The following PAPPA2 variants were observed in gnomAD, a reference collection of about 807,000 sequenced individuals.
The protein encoded by PAPPA2 is pappalysin-2.
A neutral mutation model predicts 176.4 loss-of-function variants in PAPPA2; 86 were observed. That is an observed-to-expected ratio of 0.49 (90% CI 0.41 to 0.58). The LOEUF is 0.58. Among genes scored for constraint, PAPPA2 ranks in the 20% least tolerant of loss-of-function variants. PAPPA2 has a pLI of 0.00. For missense variants in PAPPA2, 2,073 were observed against 2,256.9 expected (o/e 0.92, Z 1.65); for synonymous variants, 809 against 852.2 (o/e 0.95, Z 0.88).
intron 12 of PAPPA2, among the ~76,000 whole-genome samples, chr1:176,721,643 A>G (rs180772875): frequency 6.6e-6 from 1 of 152,214 alleles, no homozygotes; most frequent in East Asian, 1.9e-4. Context: ...TACATCTGAT[A>G]TATATTTCTT....
rs753219586 is a variant in PAPPA2, at chr1:176,771,004, C to T, written c.4539C>T (p.Leu1513=). 3.1e-6 allele frequency: 5 copies of T among 1,614,190 alleles called. No homozygotes were observed. The South Asian group carries it at 5.5e-5, about 18-fold the overall frequency. The change falls in exon 17 of 23, where the codon CTC becomes CTT. Residue 1513 remains leucine (L), a synonymous_variant. Coordinates refer to ENST00000367662, the MANE Select transcript of PAPPA2 (RefSeq NM_020318.3). The stretch of plus-strand genomic sequence containing the variant: ...GGCTGACATGTCTTGAAGATGGTCT[C>T]TGGTCTCTCCCTGAAGTCTACTGCA... ...SPWLTCLEDG[L]WSLPEVYCKL...
chr1:176,786,084 G>C (rs1159968166), intron 17 of PAPPA2, among the ~76,000 whole-genome samples: 1 of 152,160 alleles, frequency 6.6e-6, no homozygotes, highest in Non-Finnish European at 1.5e-5. Flanking sequence ...GGAGGTGGTA[G>C]AAAGAAGAGA....
intron 21 of PAPPA2, among the ~76,000 whole-genome samples, chr1:176,816,438 C>T (rs1222093665): frequency 6.6e-6 from 1 of 150,646 alleles, no homozygotes; most frequent in East Asian, 2.0e-4. Flanking sequence ...TTTAGAGGTA[C>T]CAGATGCCTC....
chr1:176,502,459 T>C (rs1029977545), intron 1 of PAPPA2, among the ~76,000 whole-genome samples: 2 of 152,210 alleles, frequency 1.3e-5, no homozygotes, highest in Non-Finnish European at 2.9e-5. Context: ...AATCAGCTTT[T>C]CTTAGAAAAA....
chr1:176,618,128 C>T (rs567381142), intron 3 of PAPPA2, among the ~76,000 whole-genome samples: 1 of 152,332 alleles, frequency 6.6e-6, no homozygotes, highest in Admixed American at 6.5e-5. Context: ...CAGGATGTTT[C>T]TGACCCCAGT....
intron 4 of PAPPA2, among the ~76,000 whole-genome samples, chr1:176,676,507 G>A (rs1363407655): frequency 6.6e-6 from 1 of 151,800 alleles, no homozygotes; most frequent in Non-Finnish European, 1.5e-5. Flanking sequence ...TTTCACATTT[G>A]CAGTATTCTC....
intron 21 of PAPPA2, among the ~76,000 whole-genome samples, chr1:176,826,521 G>A (rs1326794126): frequency 6.6e-6 from 1 of 152,176 alleles, no homozygotes; most frequent in East Asian, 1.9e-4. Context: ...CAACCAGTTG[G>A]GGGAGAAAGG....
chr1:176,475,569 T>C (rs1489969499), intron 1 of PAPPA2, among the ~76,000 whole-genome samples: 1 of 152,218 alleles, frequency 6.6e-6, no homozygotes, highest in African/African-American at 2.4e-5. Context: ...TTTGTCCTTA[T>C]GGAGTCCTCC....
intron 3 of PAPPA2, among the ~76,000 whole-genome samples, chr1:176,624,366 C>T (rs186862779): frequency 7.2e-5 from 11 of 152,242 alleles, no homozygotes; most frequent in Middle Eastern, 6.8e-3. Context: ...AAAACTAAGC[C>T]TTATAAATCA....
At chr1:176,754,044 A>C (rs1186064572) in intron 14 of PAPPA2, among the ~76,000 whole-genome samples, 5 of 145,232 alleles carry the variant, frequency 3.4e-5, no homozygotes, top group Middle Eastern at 3.6e-3. Flanking sequence ...CTTTCAACTC[A>C]TGAGGTTATA....
intron 14 of PAPPA2, among the ~76,000 whole-genome samples, chr1:176,755,338 T>C (rs1663364779): frequency 1.3e-5 from 2 of 152,124 alleles, no homozygotes. Context: ...CCTTAAGACT[T>C]CCATTTAGCC....
chr1:176,492,331 A>G (rs1218144745), intron 1 of PAPPA2, among the ~76,000 whole-genome samples: 1 of 152,192 alleles, frequency 6.6e-6, no homozygotes. Flanking sequence ...TAAGAGTGAG[A>G]AAAATATTTT....
intron 1 of PAPPA2, among the ~76,000 whole-genome samples, chr1:176,488,618 G>C (rs1371403860): frequency 6.6e-6 from 1 of 152,128 alleles, no homozygotes; most frequent in Non-Finnish European, 1.5e-5. Flanking sequence ...GAAACATCCA[G>C]CACAATGGAA....
intron 1 of PAPPA2, among the ~76,000 whole-genome samples, chr1:176,466,866 C>T (rs1045271331): frequency 6.6e-6 from 1 of 152,320 alleles, no homozygotes; most frequent in Middle Eastern, 3.4e-3. Flanking sequence ...GGCAACTTCC[C>T]TCTGGACTCC....
At chr1:176,582,137 CA>C (rs1170607593) in intron 2 of PAPPA2, among the ~76,000 whole-genome samples, 1 of 151,924 alleles carries the variant, frequency 6.6e-6, no homozygotes, top group African/African-American at 2.4e-5. Flanking sequence ...CCGTGTTAGC[CA>C]GGATAGTCTC....
intron 12 of PAPPA2, among the ~76,000 whole-genome samples, chr1:176,712,677 T>G (rs1661198294): frequency 6.6e-6 from 1 of 152,222 alleles, no homozygotes. Flanking sequence ...ATTTTTGTGG[T>G]GAACGTGTAT....
chr1:176,505,324 T>C (rs1425957315), intron 1 of PAPPA2, among the ~76,000 whole-genome samples: 3 of 152,116 alleles, frequency 2.0e-5, no homozygotes. Flanking sequence ...AATGTCTTCT[T>C]CTGGTAATCA....
chr1:176,772,539 GA>G (rs1664276509), intron 17 of PAPPA2, among the ~76,000 whole-genome samples: 1 of 152,108 alleles, frequency 6.6e-6, no homozygotes. Flanking sequence ...TTCCACTCTA[GA>G]AAAGGCCCAG....
intron 14 of PAPPA2, 144 bp downstream of exon 14, chr1:176,740,340 C>A: frequency 1.1e-6 from 1 of 871,496 alleles, no homozygotes; most frequent in South Asian, 1.8e-5. Flanking sequence ...ACATAGGAAG[C>A]AAGCAAAGAA....
Sources: gnomAD v4.1 joint callset for allele counts (sites outside exome capture counted in the v4.1 genomes callset) on GRCh38, gnomAD v4.1.1 for gene constraint, MANE v1.5 for transcripts, NCBI Gene and HGNC (gene_info 2026-07-23, HGNC 2026-07-21) for gene names.